NDRG3: variants seen among roughly 807,000 people sequenced by gnomAD.
NDRG3 encodes NDRG family member 3, also known as protein NDRG3.
Under a neutral mutation model 57.2 loss-of-function variants are expected in NDRG3, and 23 were observed. That is an observed-to-expected ratio of 0.40 (90% CI 0.29 to 0.57). The LOEUF (loss-of-function observed/expected upper bound fraction) is 0.57. Among genes scored for constraint, NDRG3 ranks in the 20% least tolerant of loss-of-function variants. The pLI, the probability that NDRG3 is intolerant of heterozygous loss-of-function variation, is 0.42. For synonymous variants in NDRG3, 132 were observed against 162.6 expected, an observed-to-expected ratio of 0.81 and a Z score of 1.43; for missense variants, 384 against 457.3, an observed-to-expected ratio of 0.84 and a Z score of 1.46.
chr20:36,722,356 A>G (rs1409405453), intron 1 of NDRG3, among the ~76,000 whole-genome samples: 1 of 152,224 alleles, frequency 6.6e-6, no homozygotes, highest in Non-Finnish European at 1.5e-5. Context: ...GAGGACCTAC[A>G]CAGCCCACAC....
At position 36,665,291 on chromosome 20, in the gene NDRG3, G is replaced by A; in HGVS notation, c.703C>T (p.Leu235=). ...CCCAGTATGGGTCTTTCGATCTCCA[G>A]GTCTCTGCGTCTAGAAAAACAAAGC... The part of the protein sequence containing the change: ...FLNSYNGRRD[L]EIERPILGQN... Residue 235 remains leucine, a synonymous_variant, in exon 11 of 16, where the codon CTG becomes TTG. Coordinates refer to ENST00000349004, the MANE Select transcript of NDRG3 (RefSeq NM_032013.4). 1 of 1,614,116 alleles carries A rather than the reference G, an allele frequency of 6.2e-7. No homozygotes were observed. Among genetic ancestry groups the A allele is most frequent in the Non-Finnish European group, 8.5e-7 (1 of 1,179,988 alleles).
chr20:36,684,498 C>T lies in NDRG3; in HGVS notation c.321-23G>A, dbSNP rs765946668. On this transcript the variant is annotated intron_variant, in intron 5 of 15. Transcript: ENST00000349004. Reference sequence around the variant, plus strand: ...TACCTGCAATCCAGAAGGATATCTCCTGAATTAGAAAGCACTCACAATTCC... The same window carrying T: ...TACCTGCAATCCAGAAGGATATCTCTTGAATTAGAAAGCACTCACAATTCC... 4.4e-6 allele frequency: 7 copies of T among 1,605,492 alleles called. No individual in the cohort carries two copies. In the Admixed American group the frequency reaches 1.2e-4, roughly 27 times the overall value.
rs1302558051 is a variant in NDRG3 at position 36,719,220 on chromosome 20, A to G, written c.57+2459T>C. On this transcript the variant is annotated intron_variant, in intron 2 of 15. Transcript: ENST00000349004. ...GAGGCGGGTGGATCAAGAGGTCAAG[A>G]GATCGAGACCATCCTGGCCAACATG... Among the ~76,000 whole-genome samples the G allele has an allele frequency of 3.9e-5, 6 of 152,076 alleles. No homozygotes were observed. The South Asian group carries it at 1.2e-3, about 32-fold the overall frequency.
intron 1 of NDRG3, among the ~76,000 whole-genome samples, chr20:36,724,492 T>C (rs1984799484): frequency 6.6e-6 from 1 of 152,206 alleles, no homozygotes; most frequent in Non-Finnish European, 1.5e-5. Context: ...ATCTACATTC[T>C]CTTTTTCACA....
chr20:36,664,495 G>GACAATAA (rs1568624968), intron 12 of NDRG3, among the ~76,000 whole-genome samples: 12 of 152,152 alleles, frequency 7.9e-5, no homozygotes, highest in African/African-American at 2.9e-4. Flanking sequence ...ATAAGTAAAT[G>GACAATAA]GTGTTTAGTT....
At chr20:36,733,197 TATATATGCACATATAA>T (rs1985425955) in intron 1 of NDRG3, among the ~76,000 whole-genome samples, 1 of 129,496 alleles carries the variant, frequency 7.7e-6, no homozygotes, top group South Asian at 2.4e-4. Context: ...TATATATATA[TATATATGCACATATAA>T]ATTTCTTTGT....
chr20:36,733,914 A>T (rs1985474791), intron 1 of NDRG3, among the ~76,000 whole-genome samples: 1 of 152,168 alleles, frequency 6.6e-6, no homozygotes, highest in South Asian at 2.1e-4. Context: ...ACCTTTGAAC[A>T]GTGGCTATAT....
At chr20:36,669,966 C>T (rs1980006339) in intron 9 of NDRG3, among the ~76,000 whole-genome samples, 2 of 152,178 alleles carry the variant, frequency 1.3e-5, no homozygotes, top group African/African-American at 4.8e-5. Flanking sequence ...GAACTACTGA[C>T]ACATGGAATG....
intron 1 of NDRG3, among the ~76,000 whole-genome samples, chr20:36,734,920 C>T (rs1985528506): frequency 6.6e-6 from 1 of 152,030 alleles, no homozygotes; most frequent in South Asian, 2.1e-4. Context: ...GAAGAAGTTT[C>T]ATGGAGGAGG....
intron 5 of NDRG3, among the ~76,000 whole-genome samples, chr20:36,686,059 G>T (rs1422888667): frequency 1.3e-5 from 2 of 152,202 alleles, no homozygotes; most frequent in African/African-American, 4.8e-5. Flanking sequence ...TTGATCCTAA[G>T]ATGACCACTT....
At chr20:36,699,655 T>A (rs148267598) in intron 3 of NDRG3, among the ~76,000 whole-genome samples, 1 of 151,930 alleles carries the variant, frequency 6.6e-6, no homozygotes, top group African/African-American at 2.4e-5. Flanking sequence ...CAAGGCCCGG[T>A]AACTGATGGT....
intron 2 of NDRG3, among the ~76,000 whole-genome samples, chr20:36,718,639 C>T (rs1182314667): frequency 2.6e-5 from 4 of 151,924 alleles, no homozygotes; most frequent in African/African-American, 9.7e-5. Context: ...TTGCTGTGTC[C>T]CCATATGGCA....
intron 7 of NDRG3, among the ~76,000 whole-genome samples, chr20:36,681,665 G>A (rs114331873): frequency 0.027 from 4,089 of 150,666 alleles, 224 homozygotes; most frequent in African/African-American, 0.095. Context: ...ATTTATAATA[G>A]GAGCTCTAGC....
At chr20:36,712,474 C>A (rs1259251948) in intron 2 of NDRG3, among the ~76,000 whole-genome samples, 1 of 134,760 alleles carries the variant, frequency 7.4e-6, no homozygotes, top group Non-Finnish European at 1.6e-5. Context: ...CAACTCACTG[C>A]AGCATTGACC....
chr20:36,722,880 G>A (rs1474307342), intron 1 of NDRG3, among the ~76,000 whole-genome samples: 2 of 152,180 alleles, frequency 1.3e-5, no homozygotes, highest in Non-Finnish European at 1.5e-5. Flanking sequence ...ATCATAAAAC[G>A]CATTACACTT....
At chr20:36,710,534 T>A (rs1983804483) in intron 2 of NDRG3, among the ~76,000 whole-genome samples, 1 of 152,006 alleles carries the variant, frequency 6.6e-6, no homozygotes, top group South Asian at 2.1e-4. Context: ...AAGGGCCAGG[T>A]GCGTTGGCTC....
At chr20:36,672,052 G>A (rs1267115093) in intron 8 of NDRG3, among the ~76,000 whole-genome samples, 1 of 152,096 alleles carries the variant, frequency 6.6e-6, no homozygotes, top group Non-Finnish European at 1.5e-5. Flanking sequence ...TGGATTTATG[G>A]CTGATAAGGA....
chr20:36,703,514 G>A (rs890613469), intron 3 of NDRG3, among the ~76,000 whole-genome samples: 6 of 152,016 alleles, frequency 3.9e-5, no homozygotes, highest in Non-Finnish European at 1.5e-5. Flanking sequence ...TCACTATGTT[G>A]CCTAGGCTGG....
intron 5 of NDRG3, among the ~76,000 whole-genome samples, chr20:36,685,098 C>T (rs1981665372): frequency 6.6e-6 from 1 of 152,024 alleles, no homozygotes; most frequent in African/African-American, 2.4e-5. Flanking sequence ...ACAATCTCTT[C>T]AGTTGGAGTC....
Sources: allele counts gnomAD v4.1 joint callset (sites outside exome capture counted in the v4.1 genomes callset), GRCh38; gene constraint gnomAD v4.1.1; transcripts MANE v1.5; gene names NCBI Gene and HGNC (gene_info 2026-07-23, HGNC 2026-07-21).